PPFIA1: variants seen among roughly 807,000 people sequenced by gnomAD.
The protein encoded by PPFIA1 is liprin-alpha-1.
Under a neutral mutation model 149.9 loss-of-function variants are expected in PPFIA1, and 25 were observed. That is an observed-to-expected ratio of 0.17 (90% CI 0.12 to 0.23). The LOEUF is 0.23. Among genes scored for constraint, PPFIA1 ranks in the 10% least tolerant of loss-of-function variants. The pLI, the probability that PPFIA1 is intolerant of heterozygous loss-of-function variation, is 1.00. For missense variants in PPFIA1, 1,362 were observed against 1,506.5 expected, an observed-to-expected ratio of 0.90 and a Z score of 1.59; for synonymous variants, 549 against 552.8, an observed-to-expected ratio of 0.99 and a Z score of 0.10.
chr11:70,300,168 G>T (rs1363552288), intron 2 of PPFIA1, among the ~76,000 whole-genome samples: 1 of 151,532 alleles, frequency 6.6e-6, no homozygotes, highest in South Asian at 2.1e-4. Flanking sequence ...CCTTCCCATA[G>T]GCCTGGACTC....
chr11:70,382,525 G>C (rs2057751611), intron 27 of PPFIA1, among the ~76,000 whole-genome samples: 1 of 152,090 alleles, frequency 6.6e-6, no homozygotes, highest in South Asian at 2.1e-4. Context: ...TATGCACATT[G>C]CTGTGATTCC....
At chr11:70,363,927 G>T (rs1202972319) in intron 21 of PPFIA1, among the ~76,000 whole-genome samples, 1 of 152,026 alleles carries the variant, frequency 6.6e-6, no homozygotes, top group Non-Finnish European at 1.5e-5. Context: ...GTCTCACTTT[G>T]TTGCCTAGGC....
At chr11:70,280,686 G>A (rs572943182) in intron 2 of PPFIA1, among the ~76,000 whole-genome samples, 1 of 152,314 alleles carries the variant, frequency 6.6e-6, no homozygotes, top group African/African-American at 2.4e-5. Flanking sequence ...TTCTGCCTCA[G>A]CCTTCTGAGT....
In PPFIA1 at chr11:70,320,815, C is replaced by T. The variant is rs533823289; in HGVS notation, c.265-3587C>T. Among the ~76,000 whole-genome samples the T allele has an allele frequency of 4.3e-4, 65 of 152,284 alleles. 1 individual carries two copies. Among genetic ancestry groups the T allele is most frequent in the Middle Eastern group, 6.8e-3 (2 of 294 alleles). ...CTCTGCTATACAGATTGGGGCTCTA[C>T]TGGCAGTTGTGGTCCTAGGGAGGTA... On this transcript the variant is annotated intron_variant, in intron 2 of 27. Coordinates refer to ENST00000253925, the MANE Select transcript of PPFIA1 (RefSeq NM_003626.5).
At chr11:70,336,986 TTAA>T (rs2055018915) in intron 11 of PPFIA1, among the ~76,000 whole-genome samples, 1 of 152,232 alleles carries the variant, frequency 6.6e-6, no homozygotes, top group Admixed American at 6.5e-5. Flanking sequence ...TGGGTCAGCC[TTAA>T]TGGAGCAGTG....
chr11:70,302,769 ATTT>A (rs55897136), intron 2 of PPFIA1, among the ~76,000 whole-genome samples: 10 of 127,940 alleles, frequency 7.8e-5, no homozygotes, highest in Admixed American at 1.6e-4. Context: ...TCTCAACACC[ATTT>A]TTTTTTTTTT....
intron 2 of PPFIA1, among the ~76,000 whole-genome samples, chr11:70,274,198 T>A (rs2050254175): frequency 6.6e-6 from 1 of 152,222 alleles, no homozygotes; most frequent in Non-Finnish European, 1.5e-5. Context: ...TGGCTGGTAG[T>A]GTGACCAGAT....
At position 70,322,590 on chromosome 11, in the gene PPFIA1, T is replaced by C. The variant is rs200051231; in HGVS notation, c.265-1812T>C. The stretch of plus-strand genomic sequence containing the variant: ...ACATTTGGGTGATCTTCATTAGTAT[T>C]GTTGGCATTTCTTTGTGTTTGCAAG... On this transcript the variant is annotated intron_variant, in intron 2 of 27. Transcript: ENST00000253925. Among the ~76,000 whole-genome samples, 7 of 152,326 alleles carry C rather than the reference T, an allele frequency of 4.6e-5. No homozygotes were observed. The East Asian group carries it at 1.3e-3, about 29-fold the overall frequency.
chr11:70,335,790 A>G, intron 11 of PPFIA1, 96 bp downstream of exon 11: 2 of 1,385,432 alleles, frequency 1.4e-6, no homozygotes, highest in East Asian at 2.3e-5. Context: ...AGTGGTTAGC[A>G]GCTGTTACCG....
chr11:70,382,008 T>C, intron 26 of PPFIA1, 80 bp from the exon 27 acceptor site: 1 of 1,259,040 alleles, frequency 7.9e-7, no homozygotes, highest in Non-Finnish European at 1.1e-6. Flanking sequence ...AAGATGTGTG[T>C]CTACTTGTGC....
intron 2 of PPFIA1, among the ~76,000 whole-genome samples, chr11:70,293,609 G>A (rs144376369): frequency 1.5e-4 from 23 of 152,284 alleles, no homozygotes; most frequent in Non-Finnish European, 2.9e-4. Flanking sequence ...AGCCAGTGGC[G>A]TCTTCTGGTC....
chr11:70,325,492 A>G lies in PPFIA1; in HGVS notation c.532-8A>G, dbSNP rs754706919. 6.4e-7 allele frequency: 1 copy of G among 1,565,916 alleles called. No individual in the cohort carries two copies. On this transcript the variant is annotated splice_polypyrimidine_tract_variant and splice_region_variant and intron_variant, in intron 4 of 27. Coordinates refer to ENST00000253925, the MANE Select transcript of PPFIA1 (RefSeq NM_003626.5). Reference sequence around the variant, plus strand: ...CACACACACAAACTCAACCCCTTTTATTTTCAGGTGAGAGAGCGATTACGA... The same window carrying G: ...CACACACACAAACTCAACCCCTTTTGTTTTCAGGTGAGAGAGCGATTACGA...
intron 21 of PPFIA1, chr11:70,366,089 C>T (rs1353364668): frequency 2.6e-6 from 1 of 379,908 alleles, no homozygotes; most frequent in Non-Finnish European, 5.2e-6. Context: ...ATTCGGAGTA[C>T]AGGATTGTTA....
At chr11:70,345,883 C>A in intron 15 of PPFIA1, 1 of 312,974 alleles carries the variant, frequency 3.2e-6, no homozygotes, top group South Asian at 2.3e-5. Flanking sequence ...CAGAGCCTCA[C>A]ATGTTCAGGT....
intron 2 of PPFIA1, chr11:70,282,235 C>G (rs2050803827): frequency 6.6e-6 from 1 of 152,344 alleles, no homozygotes; most frequent in African/African-American, 2.4e-5. Flanking sequence ...TCTACTCTTC[C>G]CCATGCCCTG....
At chr11:70,344,759 A>G (rs1355596293) in intron 15 of PPFIA1, among the ~76,000 whole-genome samples, 1 of 152,216 alleles carries the variant, frequency 6.6e-6, no homozygotes, top group African/African-American at 2.4e-5. Context: ...ATAAAACAGG[A>G]AGAATGCCTG....
At chr11:70,295,538 G>A (rs1354263373) in intron 2 of PPFIA1, among the ~76,000 whole-genome samples, 1 of 143,508 alleles carries the variant, frequency 7.0e-6, no homozygotes, top group Non-Finnish European at 1.5e-5. Flanking sequence ...TCCCGGACGG[G>A]GCGGCTGGCC....
rs542281790 is a variant in PPFIA1 at position 70,277,539 on chromosome 11, G to A, written c.264+5103G>A. Among the ~76,000 whole-genome samples the A allele has an allele frequency of 1.7e-3, 262 of 149,826 alleles. 2 individuals carry two copies. The highest frequency in any genetic ancestry group is 8.9e-4 in the Non-Finnish European group (60 of 67,702). On this transcript the variant is annotated intron_variant, in intron 2 of 27. Transcript: ENST00000253925. ...AGAGTCTCGCTCTGTTGCCCAGGCT[G>A]AAGTGCAGTGGCACGATCTTGGCGC... is the stretch of plus-strand genomic sequence containing the variant.
intron 2 of PPFIA1, chr11:70,283,884 GC>G: frequency 2.1e-6 from 1 of 469,394 alleles, no homozygotes; most frequent in South Asian, 1.6e-5. Flanking sequence ...CTGCAGTGGA[GC>G]CCCCTCAACA....
Sources: gnomAD v4.1 joint callset for allele counts (sites outside exome capture counted in the v4.1 genomes callset) on GRCh38, gnomAD v4.1.1 for gene constraint, MANE v1.5 for transcripts, NCBI Gene and HGNC (gene_info 2026-07-23, HGNC 2026-07-21) for gene names.